The following COL18A1 variants were observed in gnomAD, a reference collection of about 807,000 sequenced individuals.
COL18A1 encodes collagen type XVIII alpha 1 chain.
COL18A1 carries 133 observed loss-of-function variants against 168.0 expected under a neutral mutation model. The ratio of observed to expected loss-of-function variants is 0.79; its 90% CI spans 0.69 to 0.91. The LOEUF (loss-of-function observed/expected upper bound fraction) is 0.91, where lower values mean the gene tolerates loss of function less well. Ranked by LOEUF, COL18A1 falls within the 40% of genes least tolerant of loss-of-function variation. The pLI, the probability that COL18A1 is intolerant of heterozygous loss-of-function variation, is 0.00. For synonymous variants in COL18A1, 949 were observed against 809.0 expected (o/e 1.17, Z -2.94); for missense variants, 2,126 against 1,925.4 (o/e 1.10, Z -1.95).
intron 14 of COL18A1, 33 bp from the exon 15 acceptor site, chr21:45,482,762 G>A (rs780125832): frequency 6.2e-7 from 1 of 1,614,228 alleles, no homozygotes; most frequent in Non-Finnish European, 8.5e-7. Flanking sequence ...CTGCAAGTCT[G>A]ATTTTGTCAT....
intron 32 of COL18A1, among the ~76,000 whole-genome samples, chr21:45,500,270 G>A (rs1324663955): frequency 1.2e-4 from 7 of 56,510 alleles, no homozygotes; most frequent in Non-Finnish European, 1.8e-4. Flanking sequence ...TGTGGGTGTT[G>A]GGTGTGTAGT....
At chr21:45,469,652 G>A (rs2838935) in intron 3 of COL18A1, among the ~76,000 whole-genome samples, 25,241 of 152,268 alleles carry the variant, frequency 0.17, 2,298 homozygotes, top group Admixed American at 0.2. Context: ...GAACAGCCAC[G>A]TGGGTGACCT....
chr21:45,437,186 A>ACCCT, intron 2 of COL18A1, among the ~76,000 whole-genome samples: 1 of 86,210 alleles, frequency 1.2e-5, no homozygotes, highest in South Asian at 3.7e-4. Flanking sequence ...ACACACACTC[A>ACCCT]CACAGACACA....
At chr21:45,405,298 C>CCCGGGGGTCCT (rs1461390052) in intron 1 of COL18A1, 57 bp downstream of exon 1, 79 of 521,974 alleles carry the variant, frequency 1.5e-4, no homozygotes, top group Non-Finnish European at 1.8e-4. Context: ...CTGCGGGGGT[C>CCCGGGGGTCCT]GCGGGGGTCG....
At position 45,425,912 on chromosome 21, in the gene COL18A1, G is replaced by A. The variant is rs950382633; in HGVS notation, c.106+20439G>A. On this transcript the variant is annotated intron_variant, in intron 2 of 41. Transcript: ENST00000651438. This position sits in a 1 kb window ranked among gnomAD's most constrained non-coding sequence, Gnocchi z 4.1. The stretch of plus-strand genomic sequence containing the variant: ...GGCTGTCCTTCTTGCCCAAAGCACC[G>A]TGAGGCCTCATCCCTGCATCCCTGT... Among the ~76,000 whole-genome samples the A allele has an allele frequency of 3.9e-5, 6 of 152,122 alleles. No individual in the cohort carries two copies. Among genetic ancestry groups the A allele is most frequent in the Admixed American group, 2.6e-4 (4 of 15,274 alleles).
intron 26 of COL18A1, chr21:45,494,115 G>A (rs748463139): frequency 1.5e-5 from 5 of 331,186 alleles, no homozygotes; most frequent in Admixed American, 8.4e-5. Context: ...AGAGGGAGCA[G>A]TGAGCCCTCC....
intron 2 of COL18A1, among the ~76,000 whole-genome samples, chr21:45,453,003 A>G (rs545103021): frequency 1.0e-3 from 154 of 150,952 alleles, no homozygotes; most frequent in South Asian, 2.9e-3. Context: ...ATGTGAGCCT[A>G]TATGTATGTG....
intron 3 of COL18A1, among the ~76,000 whole-genome samples, chr21:45,472,782 CA>C (rs1374703243): frequency 1.3e-5 from 2 of 148,310 alleles, no homozygotes; most frequent in African/African-American, 5.2e-5. Flanking sequence ...GTGGGAAACC[CA>C]GGGGGCCCAC....
At chr21:45,503,875 C>A in intron 32 of COL18A1, 136 bp from the exon 33 acceptor site, 1 of 770,358 alleles carries the variant, frequency 1.3e-6, no homozygotes, top group East Asian at 2.6e-5. Flanking sequence ...TAGGAAGAAC[C>A]TAATTAAATA....
chr21:45,456,698 T>C (rs1289157654), intron 2 of COL18A1: 1 of 1,532,334 alleles, frequency 6.5e-7, no homozygotes. Flanking sequence ...CTGGTTCTTC[T>C]GCCTGCTGCT....
intron 2 of COL18A1, among the ~76,000 whole-genome samples, chr21:45,413,945 T>C (rs2033370621): frequency 6.6e-6 from 1 of 152,196 alleles, no homozygotes; most frequent in African/African-American, 2.4e-5. Flanking sequence ...GGGAGGCGTC[T>C]TCTAGTATAA....
intron 32 of COL18A1, 26 bp from the exon 33 acceptor site, chr21:45,503,985 A>G: frequency 6.2e-7 from 1 of 1,613,222 alleles, no homozygotes; most frequent in Non-Finnish European, 8.5e-7. Context: ...CACCTCAGCG[A>G]GACCCCGCCT....
At chr21:45,482,263 C>T in intron 14 of COL18A1, 1 of 635,332 alleles carries the variant, frequency 1.6e-6, no homozygotes, top group East Asian at 2.7e-5. Context: ...AACATGGGCA[C>T]CCTGCGAGAT....
chr21:45,480,583 C>G lies in COL18A1; in HGVS notation c.1452+63C>G, dbSNP rs1340064550. ...GTGCCCATGAGGAACAGGCCATGGA[C>G]CCCCAAGATTCAGCTGGGGTCCTGT... On this transcript the variant is annotated intron_variant, in intron 12 of 41. Coordinates refer to ENST00000651438, the MANE Select transcript of COL18A1 (RefSeq NM_001379500.1). 2.5e-6 allele frequency: 4 copies of G among 1,613,798 alleles called. No homozygotes were observed. The Admixed American group carries it at 6.7e-5, about 27-fold the overall frequency.
rs145417027 is a variant in COL18A1, at chr21:45,463,552, C to T, written c.107-4690C>T. On this transcript the variant is annotated intron_variant, in intron 2 of 41. Transcript: ENST00000651438. The surrounding 1 kb of genome is among the most constrained non-coding windows in gnomAD (Gnocchi z 4.0). Reference sequence around the variant, plus strand: ...TGGATTCCTGGCGCTTTCCATCTGCCATTTACCAGAGTACTCCAGAATCAT... The same window carrying T: ...TGGATTCCTGGCGCTTTCCATCTGCTATTTACCAGAGTACTCCAGAATCAT... Among the ~76,000 whole-genome samples, 116 of 152,312 alleles carry T rather than the reference C, an allele frequency of 7.6e-4. 1 individual carries two copies. The highest frequency in any genetic ancestry group is 2.6e-3 in the African/African-American group (110 of 41,562).
In COL18A1 at chr21:45,512,426, A is replaced by G. The variant is rs763048575; in HGVS notation, c.*28A>G. On this transcript the variant is annotated 3_prime_UTR_variant, in exon 42 of 42. Coordinates refer to ENST00000651438, the MANE Select transcript of COL18A1 (RefSeq NM_001379500.1). Reference sequence around the variant, plus strand: ...ACCGCCTGGATGCGGATGGCCGGAGAGGACCGGCGGCTCGGAGGAAGCCCC... The same window carrying G: ...ACCGCCTGGATGCGGATGGCCGGAGGGGACCGGCGGCTCGGAGGAAGCCCC... 2.5e-6 allele frequency: 4 copies of G among 1,604,000 alleles called. No individual in the cohort carries two copies. The East Asian group carries it at 6.7e-5, about 27-fold the overall frequency.
intron 20 of COL18A1, 119 bp downstream of exon 20, chr21:45,490,465 C>T (rs1474420820): frequency 2.3e-5 from 20 of 871,706 alleles, no homozygotes; most frequent in Non-Finnish European, 2.9e-5. Flanking sequence ...CATGTGCCCT[C>T]GTGGGTCCCT....
intron 2 of COL18A1, among the ~76,000 whole-genome samples, chr21:45,415,211 G>T (rs930282952): frequency 2.0e-5 from 3 of 152,230 alleles, no homozygotes; most frequent in East Asian, 1.9e-4. Context: ...GGGCCACTCT[G>T]TGGGGCAGGA....
rs1179352929 is a variant in COL18A1, at chr21:45,504,518, CCAGGCCCCCCAGGCCCA to C, written c.2832_2848del (p.Gly945TrpfsTer136). The C allele has an allele frequency of 7.9e-5, 1 of 12,718 alleles. No homozygotes were observed. The highest frequency in any genetic ancestry group is 0.015 in the East Asian group (1 of 68). The allele number at this position is 12,718 out of a possible 1,614,324, so 0.8% of individuals were successfully genotyped here. On this transcript the variant is annotated frameshift_variant, in exon 34 of 42. Transcript: ENST00000651438. LOFTEE classifies it high-confidence loss of function. ...CAGCCTGCCCGGCCCCCCCGGCCCC[CCAGGCCCCCCAGGCCCA>C]CGTGGCTACCCTGGGATTCCAGTAA...
Sources: allele counts gnomAD v4.1 joint callset (sites outside exome capture counted in the v4.1 genomes callset), GRCh38; gene constraint gnomAD v4.1.1; non-coding constraint Gnocchi (gnomAD v3.1); transcripts MANE v1.5; gene names NCBI Gene and HGNC (gene_info 2026-07-23, HGNC 2026-07-21).